DGKI: variants seen among roughly 807,000 people sequenced by gnomAD.
The protein encoded by DGKI is diacylglycerol kinase iota, also known as DAG kinase iota.
Under a neutral mutation model 147.5 loss-of-function variants are expected in DGKI, and 55 were observed. The observed-to-expected ratio is 0.37, with a 90% confidence interval of 0.30 to 0.47. The LOEUF (loss-of-function observed/expected upper bound fraction) is 0.47. DGKI is among the 20% of genes least tolerant of loss of function. DGKI has a pLI of 1.00. For synonymous variants in DGKI, 469 were observed against 477.1 expected (o/e 0.98, Z 0.22); for missense variants, 1,007 against 1,323.8 (o/e 0.76, Z 3.71).
At chr7:137,510,176 C>T (rs1171827497) in intron 21 of DGKI, among the ~76,000 whole-genome samples, 1 of 152,210 alleles carries the variant, frequency 6.6e-6, no homozygotes, top group Non-Finnish European at 1.5e-5. Flanking sequence ...CCAAATAGTG[C>T]TATGACATGT....
rs1459408778 is a variant in DGKI, at chr7:137,493,716, C to T, written c.2249-6027G>A. On this transcript the variant is annotated intron_variant, in intron 21 of 32. Transcript: ENST00000614521. ...ACTTCAAAGACTGAAGGAAAATCAG[C>T]CCACAAAGATGAAAAAGAACCAGCG... The T allele has an allele frequency of 1.6e-5, 11 of 699,756 alleles. No individual in the cohort carries two copies. In the African/African-American group the frequency reaches 1.9e-4, roughly 12 times the overall value. The allele number at this position is 699,756 out of a possible 1,614,324, so 43.3% of individuals were successfully genotyped here.
At chr7:137,538,190 A>G (rs1817580411) in intron 20 of DGKI, among the ~76,000 whole-genome samples, 1 of 152,236 alleles carries the variant, frequency 6.6e-6, no homozygotes, top group Non-Finnish European at 1.5e-5. Context: ...TCAATTGTGA[A>G]GATCAAAGGT....
chr7:137,769,203 G>A (rs539361405), intron 1 of DGKI, among the ~76,000 whole-genome samples: 5 of 152,294 alleles, frequency 3.3e-5, no homozygotes, highest in South Asian at 2.1e-4. Flanking sequence ...AAGCCGAGAC[G>A]TGTTAGACCC....
intron 30 of DGKI, among the ~76,000 whole-genome samples, chr7:137,402,312 C>T (rs1052430874): frequency 1.3e-5 from 2 of 152,094 alleles, no homozygotes; most frequent in Admixed American, 6.5e-5. Flanking sequence ...AAAGACTGTG[C>T]TATATGGGAA....
intron 28 of DGKI, among the ~76,000 whole-genome samples, chr7:137,430,937 C>G (rs1223550350): frequency 6.6e-6 from 1 of 152,038 alleles, no homozygotes; most frequent in Non-Finnish European, 1.5e-5. Context: ...CTCCTCTCCC[C>G]GAACTCCCAC....
intron 20 of DGKI, among the ~76,000 whole-genome samples, chr7:137,541,580 T>G (rs1212615428): frequency 6.6e-6 from 1 of 152,038 alleles, no homozygotes; most frequent in Non-Finnish European, 1.5e-5. Context: ...CTGGAAAAAA[T>G]CCCCTATGGA....
At chr7:137,513,458 T>C (rs2128948693) in intron 21 of DGKI, among the ~76,000 whole-genome samples, 1 of 152,376 alleles carries the variant, frequency 6.6e-6, no homozygotes, top group African/African-American at 2.4e-5. Flanking sequence ...GATTCTACTA[T>C]ATTCTTTTAT....
chr7:137,477,639 A>G (rs1815220222), intron 23 of DGKI, among the ~76,000 whole-genome samples: 1 of 152,142 alleles, frequency 6.6e-6, no homozygotes, highest in Non-Finnish European at 1.5e-5. Context: ...AATTGTAAAC[A>G]CAGTTTTATT....
At chr7:137,500,280 T>G (rs1451093250) in intron 21 of DGKI, among the ~76,000 whole-genome samples, 1 of 152,164 alleles carries the variant, frequency 6.6e-6, no homozygotes, top group Non-Finnish European at 1.5e-5. Context: ...TGTCTCATAA[T>G]CCAGACTGTG....
chr7:137,586,852 G>A (rs1158778212), intron 13 of DGKI, among the ~76,000 whole-genome samples: 3 of 152,096 alleles, frequency 2.0e-5, no homozygotes, highest in Non-Finnish European at 4.4e-5. Context: ...TCAAAAAGCC[G>A]CAGGCCTGTG....
At chr7:137,583,521 G>A (rs1819279155) in intron 14 of DGKI, among the ~76,000 whole-genome samples, 1 of 152,054 alleles carries the variant, frequency 6.6e-6, no homozygotes, top group Admixed American at 6.6e-5. Flanking sequence ...TCCCAATTTA[G>A]TCTGTTTTTA....
chr7:137,468,160 T>A (rs745990295), intron 24 of DGKI, among the ~76,000 whole-genome samples: 2 of 152,108 alleles, frequency 1.3e-5, no homozygotes, highest in Non-Finnish European at 2.9e-5. Context: ...GAGTAGCTTC[T>A]CTCCAAAGGC....
chr7:137,732,798 G>A (rs763471702), intron 1 of DGKI, among the ~76,000 whole-genome samples: 3 of 150,826 alleles, frequency 2.0e-5, no homozygotes, highest in Non-Finnish European at 3.0e-5. Flanking sequence ...TGGCCTCCCC[G>A]CCCCACATAG....
intron 6 of DGKI, among the ~76,000 whole-genome samples, chr7:137,625,288 C>T (rs1190205466): frequency 4.6e-5 from 7 of 151,594 alleles, no homozygotes; most frequent in Admixed American, 1.3e-4. Context: ...GGGGAAACCC[C>T]GTCTGTACTA....
intron 20 of DGKI, among the ~76,000 whole-genome samples, chr7:137,551,417 C>T (rs1186503752): frequency 6.6e-6 from 1 of 152,116 alleles, no homozygotes; most frequent in Non-Finnish European, 1.5e-5. Flanking sequence ...GCTTTACAGG[C>T]ACCACAAGGA....
intron 1 of DGKI, among the ~76,000 whole-genome samples, chr7:137,781,768 C>G (rs1796524891): frequency 6.6e-6 from 1 of 152,088 alleles, no homozygotes; most frequent in Admixed American, 6.6e-5. Context: ...TAAGAGTGAC[C>G]GGAATTGCCA....
At chr7:137,761,831 G>A (rs10262349) in intron 1 of DGKI, among the ~76,000 whole-genome samples, 3,314 of 152,196 alleles carry the variant, frequency 0.022, 129 homozygotes, top group African/African-American at 0.077. Context: ...TCTGCCTACT[G>A]TATATCTCCA....
chr7:137,687,151 G>A (rs183796204), intron 2 of DGKI, among the ~76,000 whole-genome samples: 13 of 152,164 alleles, frequency 8.5e-5, no homozygotes, highest in Admixed American at 1.3e-4. Context: ...GACCCTCGTC[G>A]TCCCTGCTGG....
chr7:137,780,188 T>A (rs930272037), intron 1 of DGKI, among the ~76,000 whole-genome samples: 3 of 152,210 alleles, frequency 2.0e-5, no homozygotes, highest in African/African-American at 7.2e-5. Flanking sequence ...AAGAATCTGT[T>A]GATGACTCCC....
Sources: allele counts gnomAD v4.1 joint callset (sites outside exome capture counted in the v4.1 genomes callset), GRCh38; gene constraint gnomAD v4.1.1; transcripts MANE v1.5; gene names NCBI Gene and HGNC (gene_info 2026-07-23, HGNC 2026-07-21).